The following TRDN variants were observed in gnomAD, a reference collection of about 807,000 sequenced individuals.
The protein encoded by TRDN is triadin in skeletal muscle.
TRDN carries 161 observed loss-of-function variants against 149.7 expected under a neutral mutation model. The ratio of observed to expected loss-of-function variants is 1.08; its 90% CI spans 0.95 to 1.23. TRDN has a LOEUF of 1.23. Ranked by LOEUF, TRDN falls within the 50% of genes most tolerant of loss-of-function variation. The pLI is 0.00. For missense variants in TRDN, 896 were observed against 823.5 expected, an observed-to-expected ratio of 1.09 and a Z score of -1.08; for synonymous variants, 294 against 250.5, an observed-to-expected ratio of 1.17 and a Z score of -1.64.
Position 123,378,137 on chromosome 6 carries a change from T to G in TRDN, c.1187-239A>C, listed in dbSNP as rs563115521. Among the ~76,000 whole-genome samples the G allele has an allele frequency of 2.6e-4, 40 of 152,194 alleles. 2 individuals are homozygous for G. The South Asian group carries it at 8.1e-3, about 31-fold the overall frequency. On this transcript the variant is annotated intron_variant, in intron 16 of 40. Coordinates refer to ENST00000334268, the MANE Select transcript of TRDN (RefSeq NM_006073.4). ...ATTCTGAATATTAGAGGAATTTGAA[T>G]TTTTTACAGATGATAAACCAGAAAA...
chr6:123,439,302 CA>C (rs2114597330), intron 10 of TRDN, among the ~76,000 whole-genome samples: 1 of 152,186 alleles, frequency 6.6e-6, no homozygotes, highest in African/African-American at 2.4e-5. Flanking sequence ...CTGAACCAAA[CA>C]ATTGTTTATC....
In TRDN at chr6:123,446,310, G is replaced by A. The variant is rs547486526; in HGVS notation, c.932-7307C>T. 2.6e-3 allele frequency among the ~76,000 whole-genome samples: 398 copies of A among 151,982 alleles called. 2 individuals carry two copies. Among genetic ancestry groups the A allele is most frequent in the African/African-American group, 6.4e-3 (267 of 41,398 alleles). ...TAGATGACAAGTTAGTGGGTGCAGC[G>A]CACCAGCGTGGCACATGTGTACATA... is the stretch of plus-strand genomic sequence containing the variant. On this transcript the variant is annotated intron_variant, in intron 10 of 40. Coordinates refer to ENST00000334268, the MANE Select transcript of TRDN (RefSeq NM_006073.4).
chr6:123,241,233 T>C (rs1298089037), intron 38 of TRDN, among the ~76,000 whole-genome samples: 6 of 151,452 alleles, frequency 4.0e-5, no homozygotes, highest in African/African-American at 1.4e-4. Context: ...AAATAGGTTA[T>C]ACTTTTATTT....
At chr6:123,630,998 C>G (rs997951) in intron 1 of TRDN, among the ~76,000 whole-genome samples, 41,366 of 151,732 alleles carry the variant, frequency 0.27, 5,803 homozygotes, top group East Asian at 0.43. Flanking sequence ...TTAAGTAAAA[C>G]TCCATGCACT....
intron 12 of TRDN, among the ~76,000 whole-genome samples, chr6:123,394,119 C>T (rs1266651299): frequency 6.6e-6 from 1 of 152,038 alleles, no homozygotes; most frequent in Non-Finnish European, 1.5e-5. Flanking sequence ...AAGTTCAAGC[C>T]TTTGACTCTA....
At chr6:123,238,786 G>C (rs9320923) in intron 38 of TRDN, among the ~76,000 whole-genome samples, 5,195 of 152,108 alleles carry the variant, frequency 0.034, 313 homozygotes, top group African/African-American at 0.12. Context: ...TTAACCAAAA[G>C]AAAGCTGGAA....
chr6:123,587,720 T>C (rs1341474978), intron 1 of TRDN, among the ~76,000 whole-genome samples: 1 of 145,620 alleles, frequency 6.9e-6, no homozygotes, highest in African/African-American at 2.6e-5. Context: ...TGAAGGGAGA[T>C]AGGGGTGGAG....
At chr6:123,292,430 G>A (rs1287306517) in intron 24 of TRDN, among the ~76,000 whole-genome samples, 3 of 152,172 alleles carry the variant, frequency 2.0e-5, no homozygotes, top group Non-Finnish European at 4.4e-5. Context: ...GACAAGTTTA[G>A]CTGCTGTGGT....
chr6:123,474,093 A>T (rs907535398), intron 9 of TRDN, among the ~76,000 whole-genome samples: 31 of 152,100 alleles, frequency 2.0e-4, no homozygotes, highest in African/African-American at 7.5e-4. Context: ...CACACATAAC[A>T]ATATTAACTT....
At chr6:123,231,038 G>T (rs1490540867) in intron 38 of TRDN, among the ~76,000 whole-genome samples, 1 of 151,970 alleles carries the variant, frequency 6.6e-6, no homozygotes, top group African/African-American at 2.4e-5. Flanking sequence ...TATTTGAAAA[G>T]AACTTCCCTG....
intron 21 of TRDN, chr6:123,350,402 A>G: frequency 1.3e-6 from 1 of 750,224 alleles, no homozygotes; most frequent in Non-Finnish European, 1.6e-6. Context: ...TTTTCTAAAT[A>G]AAGTCCACAT....
At chr6:123,391,063 A>AT (rs1782094200) in intron 13 of TRDN, among the ~76,000 whole-genome samples, 1 of 152,038 alleles carries the variant, frequency 6.6e-6, no homozygotes, top group Non-Finnish European at 1.5e-5. Flanking sequence ...CACCTAACTG[A>AT]TTAAAAAAAT....
intron 7 of TRDN, among the ~76,000 whole-genome samples, chr6:123,505,176 G>A (rs185716400): frequency 3.4e-5 from 5 of 147,952 alleles, no homozygotes; most frequent in Non-Finnish European, 5.9e-5. Flanking sequence ...CCAGGGAAGC[G>A]GAGGTTGCAG....
At chr6:123,305,394 T>C (rs1778571059) in intron 24 of TRDN, among the ~76,000 whole-genome samples, 1 of 152,192 alleles carries the variant, frequency 6.6e-6, no homozygotes, top group African/African-American at 2.4e-5. Context: ...TTAGTTATTG[T>C]TATCTATCTA....
In TRDN at chr6:123,258,362, CA is replaced by C. The variant is rs567674998; in HGVS notation, c.1870+1261del. ...AGCATGAAGAGGTGTTGAATTTTGT[CA>C]AAGGCCTTTTCTTTATCTATTGAAA... On this transcript the variant is annotated intron_variant, in intron 35 of 40. Coordinates refer to ENST00000334268, the MANE Select transcript of TRDN (RefSeq NM_006073.4). Among the ~76,000 whole-genome samples the C allele has an allele frequency of 1.5e-3, 227 of 152,198 alleles. 3 individuals carry two copies. Among genetic ancestry groups the C allele is most frequent in the East Asian group, 4.8e-3 (25 of 5,168 alleles).
chr6:123,357,056 A>G (rs1431280), intron 20 of TRDN, among the ~76,000 whole-genome samples: 127,501 of 151,664 alleles, frequency 0.84, 54,566 homozygotes, highest in Middle Eastern at 0.94. Context: ...CTTCTTAGCT[A>G]TCTTTTATTC....
intron 7 of TRDN, 47 bp from the exon 8 acceptor site, chr6:123,503,948 C>A: frequency 6.7e-7 from 1 of 1,500,054 alleles, no homozygotes; most frequent in Non-Finnish European, 8.9e-7. Flanking sequence ...TATTTACAAA[C>A]ATAATGTTTC....
chr6:123,330,669 G>A (rs1779627093), intron 23 of TRDN, among the ~76,000 whole-genome samples: 1 of 151,464 alleles, frequency 6.6e-6, no homozygotes, highest in African/African-American at 2.4e-5. Flanking sequence ...ATGGGGCTGA[G>A]AAAAAAAATC....
intron 1 of TRDN, among the ~76,000 whole-genome samples, chr6:123,612,265 G>T (rs1161550035): frequency 1.1e-5 from 1 of 90,932 alleles, no homozygotes; most frequent in Non-Finnish European, 2.0e-5. Context: ...TATCTGGGGT[G>T]GGGGGAGGGG....
Sources: allele counts gnomAD v4.1 joint callset (sites outside exome capture counted in the v4.1 genomes callset), GRCh38; gene constraint gnomAD v4.1.1; transcripts MANE v1.5; gene names NCBI Gene and HGNC (gene_info 2026-07-23, HGNC 2026-07-21).